Variants in PDAP1 observed in about 807,000 individuals in gnomAD.
PDAP1 encodes PDGFA associated protein 1.
In PDAP1, 13 loss-of-function variants were observed where a neutral mutation model predicts 28.0. That is an observed-to-expected ratio of 0.46 (90% CI 0.30 to 0.74). PDAP1 has a LOEUF of 0.74. Ranked by LOEUF, PDAP1 falls within the 30% of genes least tolerant of loss-of-function variation. PDAP1 has a pLI of 0.07. For missense variants in PDAP1, 150 were observed against 230.0 expected, an observed-to-expected ratio of 0.65 and a Z score of 2.25; for synonymous variants, 77 against 85.1, an observed-to-expected ratio of 0.91 and a Z score of 0.52.
intron 1 of PDAP1, among the ~76,000 whole-genome samples, chr7:99,406,315 C>T (rs1794970684): frequency 6.6e-6 from 1 of 151,980 alleles, no homozygotes; most frequent in South Asian, 2.1e-4. Flanking sequence ...AAAACAACAA[C>T]AAAAGCACCA....
At chr7:99,402,517 TGCTTCACTGCA>T (rs1794888868) in intron 3 of PDAP1, among the ~76,000 whole-genome samples, 1 of 140,458 alleles carries the variant, frequency 7.1e-6, no homozygotes, top group African/African-American at 2.7e-5. Flanking sequence ...GAGGCTGCGG[TGCTTCACTGCA>T]GCTTCACTCC....
At chr7:99,399,133 G>A (rs1259658240) in intron 4 of PDAP1, among the ~76,000 whole-genome samples, 1 of 152,160 alleles carries the variant, frequency 6.6e-6, no homozygotes, top group Non-Finnish European at 1.5e-5. Context: ...GCCTCCCAGA[G>A]GCCTTCAAGG....
At position 99,406,567 on chromosome 7, in the gene PDAP1, C is replaced by A. The variant is rs570029359; in HGVS notation, c.14-1614G>T. The A allele has an allele frequency of 6.4e-5, 63 of 985,150 alleles. No homozygotes were observed. In the African/African-American group the frequency reaches 1.0e-3, roughly 16 times the overall value. The allele number at this position is 985,150 out of a possible 1,614,324, so 61.0% of individuals were successfully genotyped here. On this transcript the variant is annotated intron_variant, in intron 1 of 5. Coordinates refer to ENST00000350498, the MANE Select transcript of PDAP1 (RefSeq NM_014891.7). ...TAAAGTGTCAGTTTTATAGTCTGAC[C>A]CTCTTCAGCCAGAACACCAGGCTGA...
intron 5 of PDAP1, among the ~76,000 whole-genome samples, chr7:99,397,054 T>A (rs1457103805): frequency 6.6e-6 from 1 of 152,034 alleles, no homozygotes; most frequent in Non-Finnish European, 1.5e-5. Context: ...AATTCTAACC[T>A]CCCTCCACGG....
intron 2 of PDAP1, 76 bp from the exon 3 acceptor site, chr7:99,403,581 A>C (rs1229323788): frequency 1.2e-5 from 11 of 938,054 alleles, no homozygotes; most frequent in Non-Finnish European, 1.8e-5. Flanking sequence ...ATCACCCCCC[A>C]GACTGTGGAT....
chr7:99,396,780 C>G (rs774347060), intron 5 of PDAP1, 40 bp from the exon 6 acceptor site: 1 of 1,502,314 alleles, frequency 6.7e-7, no homozygotes, highest in African/African-American at 1.4e-5. Context: ...AACAAAGCAA[C>G]CCCCCACCCC....
chr7:99,403,274 T>A lies in PDAP1; in HGVS notation c.213+124A>T, dbSNP rs562989858. On this transcript the variant is annotated intron_variant, in intron 3 of 5. Coordinates refer to ENST00000350498, the MANE Select transcript of PDAP1 (RefSeq NM_014891.7). The stretch of plus-strand genomic sequence containing the variant: ...TACTTCTTTGTTGTATCTCCCGTAG[T>A]GTAAACCCTCAAGAGCAAGGACGTT... 10 of 658,860 alleles carry A rather than the reference T, an allele frequency of 1.5e-5. No homozygotes were observed. In the African/African-American group the frequency reaches 1.8e-4, roughly 12 times the overall value. 40.8% of individuals were successfully genotyped at this position (658,860 alleles called of 1,614,324 possible). A position where few individuals can be genotyped will look rare whatever the true frequency, so the allele number is the denominator to read the frequency against.
In PDAP1 at chr7:99,395,112, T is replaced by A. The variant is rs894084040; in HGVS notation, c.*1570A>T. 1 of 154,490 alleles carries A rather than the reference T, an allele frequency of 6.5e-6. No individual in the cohort carries two copies. Among genetic ancestry groups the A allele is most frequent in the African/African-American group, 2.4e-5 (1 of 41,534 alleles). The allele number at this position is 154,490 out of a possible 1,614,324, so 9.6% of individuals were successfully genotyped here. On this transcript the variant is annotated 3_prime_UTR_variant, in exon 6 of 6. Transcript: ENST00000350498. The stretch of plus-strand genomic sequence containing the variant: ...GTACCAGGTGTCACTGATTGACTAG[T>A]CAAATTCCTGGACAAAGGGGCTACA...
chr7:99,408,586 C>T lies in PDAP1; in HGVS notation c.-38G>A. ...GGCTGCGGCGGCGGCGGCGGCGCCT[C>T]GAACTGACACCGGAACCGGAAATAG... On this transcript the variant is annotated 5_prime_UTR_variant, in exon 1 of 6. Coordinates refer to ENST00000350498, the MANE Select transcript of PDAP1 (RefSeq NM_014891.7). 2 of 1,255,268 alleles carry T rather than the reference C, an allele frequency of 1.6e-6. No homozygotes were observed. The highest frequency in any genetic ancestry group is 2.1e-4 in the Middle Eastern group (1 of 4,796). 77.8% of individuals were successfully genotyped at this position (1,255,268 alleles called of 1,614,324 possible).
rs759329839 is a variant in PDAP1, at chr7:99,403,364, G to A, written c.213+34C>T. On this transcript the variant is annotated intron_variant, in intron 3 of 5. Transcript: ENST00000350498. ...CAACGTTTGTTTGTTGAATGAATGAGTCCAGGCTCTAGGCCCTCAAAAGAA... is the reference window on the plus strand; with the variant it reads ...CAACGTTTGTTTGTTGAATGAATGAATCCAGGCTCTAGGCCCTCAAAAGAA... 7 of 1,288,388 alleles carry A rather than the reference G, an allele frequency of 5.4e-6. No homozygotes were observed. The African/African-American group carries it at 1.0e-4, about 19-fold the overall frequency. The allele number at this position is 1,288,388 out of a possible 1,614,324, so 79.8% of individuals were successfully genotyped here. A position where few individuals can be genotyped will look rare whatever the true frequency, so the allele number is the denominator to read the frequency against.
chr7:99,404,788 T>G, intron 2 of PDAP1, 74 bp downstream of exon 2: 3 of 1,218,716 alleles, frequency 2.5e-6, no homozygotes, highest in Non-Finnish European at 3.6e-6. Flanking sequence ...AGTCCTTGCC[T>G]GGCCTCTCTA....
chr7:99,403,542 G>T, intron 2 of PDAP1, 37 bp from the exon 3 acceptor site: 1 of 1,314,388 alleles, frequency 7.6e-7, no homozygotes. Flanking sequence ...AATCAAAAAT[G>T]CAAAACAAAT....
At chr7:99,404,989 C>G (rs1410689979) in intron 1 of PDAP1, 36 bp from the exon 2 acceptor site, 8 of 1,477,136 alleles carry the variant, frequency 5.4e-6, no homozygotes, top group African/African-American at 1.4e-5. Flanking sequence ...GCGGAAGCAG[C>G]TGCCTTGACT....
At chr7:99,399,951 CACG>C (rs1384324939) in intron 4 of PDAP1, among the ~76,000 whole-genome samples, 2 of 152,200 alleles carry the variant, frequency 1.3e-5, no homozygotes, top group Admixed American at 6.5e-5. Context: ...TCCCCATGGC[CACG>C]ACATTACAGA....
intron 5 of PDAP1, 51 bp from the exon 6 acceptor site, chr7:99,396,791 C>T (rs1407690091): frequency 3.5e-6 from 5 of 1,419,202 alleles, no homozygotes; most frequent in African/African-American, 2.8e-5. Context: ...CCCCCACCCC[C>T]TCCCAACACA....
intron 1 of PDAP1, among the ~76,000 whole-genome samples, chr7:99,407,413 C>T (rs1228624768): frequency 6.6e-6 from 1 of 152,170 alleles, no homozygotes; most frequent in African/African-American, 2.4e-5. Context: ...GAGACTTTTC[C>T]AGCCACAGAA....
At chr7:99,401,166 TTAACA>T (rs1188553789) in intron 3 of PDAP1, among the ~76,000 whole-genome samples, 1 of 152,136 alleles carries the variant, frequency 6.6e-6, no homozygotes, top group Non-Finnish European at 1.5e-5. Flanking sequence ...CACTGTAAAC[TTAACA>T]TGTCCAAGAC....
At chr7:99,402,878 C>CAAAAAAAAA (rs543294031) in intron 3 of PDAP1, among the ~76,000 whole-genome samples, 2 of 72,080 alleles carry the variant, frequency 2.8e-5, no homozygotes, top group African/African-American at 4.5e-5. Flanking sequence ...CACTTCATCT[C>CAAAAAAAAA]AAAAAAAAAA....
At chr7:99,402,946 T>C (rs1349376807) in intron 3 of PDAP1, among the ~76,000 whole-genome samples, 1 of 147,698 alleles carries the variant, frequency 6.8e-6, no homozygotes, top group African/African-American at 2.5e-5. Context: ...ACACAGGAGG[T>C]GCCCTTGCCA....
Sources: allele counts gnomAD v4.1 joint callset (sites outside exome capture counted in the v4.1 genomes callset), GRCh38; gene constraint gnomAD v4.1.1; transcripts MANE v1.5; gene names NCBI Gene and HGNC (gene_info 2026-07-23, HGNC 2026-07-21).